LRRC75A: variants seen among roughly 807,000 people sequenced by gnomAD.
LRRC75A encodes the protein leucine rich repeat containing 75A, also known as leucine-rich repeat-containing protein 75A.
In LRRC75A, 12 loss-of-function variants were observed where a neutral mutation model predicts 26.0. That is an observed-to-expected ratio of 0.46 (90% CI 0.30 to 0.75). LRRC75A has a LOEUF of 0.75. Ranked by LOEUF, LRRC75A falls within the 30% of genes least tolerant of loss-of-function variation. The pLI is 0.08. For missense variants in LRRC75A, 410 were observed against 486.6 expected, an observed-to-expected ratio of 0.84 and a Z score of 1.48; for synonymous variants, 223 against 219.3, an observed-to-expected ratio of 1.02 and a Z score of -0.15.
intron 2 of LRRC75A, chr17:16,448,245 G>C (rs1450327417): frequency 1.5e-5 from 6 of 411,206 alleles, no homozygotes; most frequent in Non-Finnish European, 2.3e-5. Flanking sequence ...CCAAGTGCCT[G>C]CTGACCCCCT....
At chr17:16,488,488 T>C (rs2093851316) in intron 1 of LRRC75A, among the ~76,000 whole-genome samples, 1 of 152,154 alleles carries the variant, frequency 6.6e-6, no homozygotes, top group Non-Finnish European at 1.5e-5. Context: ...CAAGAGAATG[T>C]GTCTTGAATG....
At chr17:16,472,432 C>A (rs950332155) in intron 1 of LRRC75A, among the ~76,000 whole-genome samples, 2 of 152,190 alleles carry the variant, frequency 1.3e-5, no homozygotes, top group Non-Finnish European at 2.9e-5. Flanking sequence ...GAGACCCCCC[C>A]ACTGGAGGGG....
Position 16,444,020 on chromosome 17 carries a change from C to G in LRRC75A, c.603G>C (p.Gly201=). Residue 201 remains glycine (G), a synonymous_variant, in exon 4 of 4, where the codon GGG becomes GGC. Coordinates refer to ENST00000470794, the MANE Select transcript of LRRC75A (RefSeq NM_001113567.3). The stretch of plus-strand genomic sequence containing the variant: ...CCAGCTCCACGCTGTCTACCTGCTC[C>G]CCACAGCGCTGTAGGTAGCTGGTCA... The part of the protein sequence containing the change: ...ERVTSYLQRC[G]EQVDSVELGF... 6.2e-7 allele frequency: 1 copy of G among 1,613,876 alleles called. No individual in the cohort carries two copies. The highest frequency in any genetic ancestry group is 1.1e-5 in the South Asian group (1 of 91,052).
In LRRC75A at chr17:16,462,191, G is replaced by C. The variant is rs983864384; in HGVS notation, c.375+67C>G. 5 of 1,588,790 alleles carry C rather than the reference G, an allele frequency of 3.1e-6. No individual in the cohort carries two copies. The highest frequency in any genetic ancestry group is 4.3e-6 in the Non-Finnish European group (5 of 1,165,010). On this transcript the variant is annotated intron_variant, in intron 2 of 3. Transcript: ENST00000470794. The surrounding 1 kb of genome is among the most constrained non-coding windows in gnomAD (Gnocchi z 4.6). ...GCCAGTCCTCCTTGGGCATACAGCTGCTCTGCCCAGAAAGGCACCCACCGC... is the reference window on the plus strand; with the variant it reads ...GCCAGTCCTCCTTGGGCATACAGCTCCTCTGCCCAGAAAGGCACCCACCGC...
At chr17:16,459,024 C>A (rs1030550641) in intron 2 of LRRC75A, among the ~76,000 whole-genome samples, 5 of 152,240 alleles carry the variant, frequency 3.3e-5, no homozygotes, top group African/African-American at 1.2e-4. Flanking sequence ...TGTGAAACAA[C>A]TTCCTACTAC....
intron 1 of LRRC75A, among the ~76,000 whole-genome samples, chr17:16,481,253 C>T (rs2093833289): frequency 6.6e-6 from 1 of 152,092 alleles, no homozygotes; most frequent in Non-Finnish European, 1.5e-5. Context: ...TACAAGGCCA[C>T]AGGACTACAC....
Position 16,442,892 on chromosome 17 carries a change from T to C in LRRC75A, c.*696A>G, listed in dbSNP as rs189148139. ...GATAGGGGATTTCTGAACAGGACTT[T>C]ATGCCTGTATGCATGGGCACCATGT... is the stretch of plus-strand genomic sequence containing the variant. On this transcript the variant is annotated 3_prime_UTR_variant, in exon 4 of 4. Coordinates refer to ENST00000470794, the MANE Select transcript of LRRC75A (RefSeq NM_001113567.3). 1.3e-5 allele frequency: 2 copies of C among 152,256 alleles called. No homozygotes were observed. Among genetic ancestry groups the C allele is most frequent in the African/African-American group, 4.8e-5 (2 of 41,454 alleles). The allele number at this position is 152,256 out of a possible 1,614,324, so 9.4% of individuals were successfully genotyped here. A position where few individuals can be genotyped will look rare whatever the true frequency, so the allele number is the denominator to read the frequency against.
chr17:16,471,448 G>C (rs1341167562), intron 1 of LRRC75A, among the ~76,000 whole-genome samples: 1 of 152,212 alleles, frequency 6.6e-6, no homozygotes, highest in African/African-American at 2.4e-5. Flanking sequence ...TTTTCCCAGG[G>C]GCACACCAGG....
rs1487480544 is a variant in LRRC75A at position 16,462,461 on chromosome 17, G to C, written c.247-75C>G. 1 of 1,593,890 alleles carries C rather than the reference G, an allele frequency of 6.3e-7. No individual in the cohort carries two copies. Among genetic ancestry groups the C allele is most frequent in the Non-Finnish European group, 8.5e-7 (1 of 1,171,704 alleles). ...TCGCCCACCATCCCCAAGAGAAGTAGGCACAGACCCCTAGAGGCGACTCTG... is the reference window on the plus strand; with the variant it reads ...TCGCCCACCATCCCCAAGAGAAGTACGCACAGACCCCTAGAGGCGACTCTG... On this transcript the variant is annotated intron_variant, in intron 1 of 3. Transcript: ENST00000470794. This position sits in a 1 kb window ranked among gnomAD's most constrained non-coding sequence, Gnocchi z 4.6.
rs1310489786 is a variant in LRRC75A at position 16,462,230 on chromosome 17, T to C, written c.375+28A>G. ...GGCACCCACCGCACACCCCGGGACC[T>C]GGCTGGCTCGGACCACAGCCACCCT... On this transcript the variant is annotated intron_variant, in intron 2 of 3. Transcript: ENST00000470794. This position sits in a 1 kb window ranked among gnomAD's most constrained non-coding sequence, Gnocchi z 4.6. 6.2e-7 allele frequency: 1 copy of C among 1,613,400 alleles called. No homozygotes were observed. Among genetic ancestry groups the C allele is most frequent in the Non-Finnish European group, 8.5e-7 (1 of 1,179,750 alleles).
At chr17:16,451,911 A>AT (rs930111425) in intron 2 of LRRC75A, among the ~76,000 whole-genome samples, 5 of 117,114 alleles carry the variant, frequency 4.3e-5, no homozygotes, top group African/African-American at 6.2e-5. Flanking sequence ...TGCCCGGCTA[A>AT]TTTTTTTGCA....
At chr17:16,444,424 T>A (rs1273959710) in intron 3 of LRRC75A, among the ~76,000 whole-genome samples, 1 of 152,114 alleles carries the variant, frequency 6.6e-6, no homozygotes, top group Non-Finnish European at 1.5e-5. Context: ...ATGGAAGAAG[T>A]TCATAAGTGC....
intron 1 of LRRC75A, among the ~76,000 whole-genome samples, chr17:16,464,305 G>T (rs1176507302): frequency 6.6e-6 from 1 of 152,202 alleles, no homozygotes; most frequent in African/African-American, 2.4e-5. Context: ...GCACTGGCTG[G>T]TACAGGTTCT....
chr17:16,447,860 C>CT lies in LRRC75A; in HGVS notation c.475dup (p.Arg159LysfsTer94). ...TGTAACTCACCAGGCCTGTGGCTTC[C>CT]TTTTCACCAGCCCCCGGTGCCGCCT... On this transcript the variant is annotated frameshift_variant, in exon 3 of 4. Coordinates refer to ENST00000470794, the MANE Select transcript of LRRC75A (RefSeq NM_001113567.3). LOFTEE classifies it high-confidence loss of function. 6 of 1,547,782 alleles carry CT rather than the reference C, an allele frequency of 3.9e-6. No homozygotes were observed. Among genetic ancestry groups the CT allele is most frequent in the Non-Finnish European group, 5.2e-6 (6 of 1,145,562 alleles).
At chr17:16,449,312 A>G (rs1338766905) in intron 2 of LRRC75A, among the ~76,000 whole-genome samples, 3 of 152,228 alleles carry the variant, frequency 2.0e-5, no homozygotes, top group East Asian at 3.9e-4. Flanking sequence ...ACCTGGGGCC[A>G]AACCGTGGGG....
At chr17:16,455,676 T>C (rs1259517750) in intron 2 of LRRC75A, among the ~76,000 whole-genome samples, 1 of 152,142 alleles carries the variant, frequency 6.6e-6, no homozygotes, top group Non-Finnish European at 1.5e-5. Context: ...CATACCTTAC[T>C]ACAACCCTAT....
Position 16,461,619 on chromosome 17 carries a change from G to C in LRRC75A, c.375+639C>G, listed in dbSNP as rs8074448. On this transcript the variant is annotated intron_variant, in intron 2 of 3. Coordinates refer to ENST00000470794, the MANE Select transcript of LRRC75A (RefSeq NM_001113567.3). Reference sequence around the variant, plus strand: ...CCCAGGGCCAGTAGGAAGAAGACATGAGTGAAGGGGTGGGTGTCAAAGGAC... The same window carrying C: ...CCCAGGGCCAGTAGGAAGAAGACATCAGTGAAGGGGTGGGTGTCAAAGGAC... 2.7e-3 allele frequency among the ~76,000 whole-genome samples: 409 copies of C among 152,366 alleles called. 2 individuals carry two copies. Among genetic ancestry groups the C allele is most frequent in the African/African-American group, 7.4e-3 (308 of 41,584 alleles).
At chr17:16,454,182 G>C (rs1460519615) in intron 2 of LRRC75A, among the ~76,000 whole-genome samples, 1 of 152,072 alleles carries the variant, frequency 6.6e-6, no homozygotes, top group Non-Finnish European at 1.5e-5. Flanking sequence ...CCTGAGGTCA[G>C]GAGTTCGAGA....
At position 16,491,937 on chromosome 17, in the gene LRRC75A, G is replaced by C; in HGVS notation, c.54C>G (p.Ala18=). ...GSLAERASPG[A]APGPRRERPD... ...GCCGTTCGCGTCGGGGGCCCGGCGC[G>C]GCGCCGGGGCTGGCTCTCTCCGCCA... is the stretch of plus-strand genomic sequence containing the variant. The change falls in exon 1 of 4, where the codon GCC becomes GCG. Residue 18 remains alanine, a synonymous_variant. Transcript: ENST00000470794. This position sits in a 1 kb window ranked among gnomAD's most constrained non-coding sequence, Gnocchi z 5.9. The C allele has an allele frequency of 8.0e-7, 1 of 1,242,834 alleles. No homozygotes were observed. The highest frequency in any genetic ancestry group is 1.0e-6 in the Non-Finnish European group (1 of 996,264). 77.0% of individuals were successfully genotyped at this position (1,242,834 alleles called of 1,614,324 possible).
Sources: gnomAD v4.1 joint callset for allele counts (sites outside exome capture counted in the v4.1 genomes callset) on GRCh38, gnomAD v4.1.1 for gene constraint, Gnocchi (gnomAD v3.1) non-coding constraint, MANE v1.5 for transcripts, NCBI Gene and HGNC (gene_info 2026-07-23, HGNC 2026-07-21) for gene names.